The following ADGRB1 variants were observed in gnomAD, a reference collection of about 807,000 sequenced individuals.
The protein encoded by ADGRB1 is adhesion G protein-coupled receptor B1.
A neutral mutation model predicts 175.7 loss-of-function variants in ADGRB1; 36 were observed. That is an observed-to-expected ratio of 0.20 (90% CI 0.16 to 0.27). The LOEUF (loss-of-function observed/expected upper bound fraction) is 0.27. Ranked by LOEUF, ADGRB1 falls within the 10% of genes least tolerant of loss-of-function variation. The probability of loss-of-function intolerance (pLI) is 1.00; values close to 1 mark genes in which losing one functional copy is unlikely to be tolerated. For synonymous variants in ADGRB1, 1,054 were observed against 979.4 expected, an observed-to-expected ratio of 1.08 and a Z score of -1.42; for missense variants, 1,731 against 2,255.3, an observed-to-expected ratio of 0.77 and a Z score of 4.71.
intron 19 of ADGRB1, among the ~76,000 whole-genome samples, chr8:142,520,048 T>G (rs908273401): frequency 2.4e-3 from 331 of 137,640 alleles, no homozygotes; most frequent in African/African-American, 8.6e-3. Flanking sequence ...TGGTAGTGAT[T>G]GTGATGGTGG....
At chr8:142,482,222 C>T (rs888052217) in intron 11 of ADGRB1, among the ~76,000 whole-genome samples, 6 of 149,488 alleles carry the variant, frequency 4.0e-5, no homozygotes, top group Admixed American at 3.3e-4. Flanking sequence ...AGCCCTGATC[C>T]TGGTCACACA....
intron 8 of ADGRB1, 22 bp from the exon 9 acceptor site, chr8:142,479,671 C>G: frequency 6.2e-7 from 1 of 1,608,632 alleles, no homozygotes; most frequent in Non-Finnish European, 8.5e-7. Flanking sequence ...TTCCTGAACC[C>G]CTGTCCCGGG....
chr8:142,476,067 C>T (rs1840956483), intron 3 of ADGRB1, among the ~76,000 whole-genome samples: 1 of 152,316 alleles, frequency 6.6e-6, no homozygotes, highest in South Asian at 2.1e-4. Context: ...CAAGCCAGCC[C>T]GCCTGCCCCA....
At chr8:142,490,704 A>T (rs1258445270) in intron 16 of ADGRB1, 68 bp from the exon 17 acceptor site, 1 of 1,504,844 alleles carries the variant, frequency 6.6e-7, no homozygotes. Flanking sequence ...GGTGGGTCCC[A>T]TGGTGACCCG....
chr8:142,466,085 G>A (rs2131688233), intron 2 of ADGRB1, among the ~76,000 whole-genome samples: 2 of 152,354 alleles, frequency 1.3e-5, no homozygotes, highest in South Asian at 2.1e-4. Context: ...AGGAAGCCCA[G>A]GGTTTTGGTG....
intron 27 of ADGRB1, among the ~76,000 whole-genome samples, chr8:142,540,196 A>C (rs528509334): frequency 6.6e-6 from 1 of 152,364 alleles, no homozygotes; most frequent in East Asian, 1.9e-4. Context: ...GCCCTGGCAG[A>C]GGAGCTGGGA....
In ADGRB1 at chr8:142,510,282, C is replaced by T. The variant is rs963197057; in HGVS notation, c.2676-650C>T. Reference sequence around the variant, plus strand: ...TGGGTCAGACCGCAGAGGGAAGTTTCCAGCGGCAAGCCTCCCCGCGGGGAA... The same window carrying T: ...TGGGTCAGACCGCAGAGGGAAGTTTTCAGCGGCAAGCCTCCCCGCGGGGAA... On this transcript the variant is annotated intron_variant, in intron 17 of 30. Coordinates refer to ENST00000517894, the MANE Select transcript of ADGRB1 (RefSeq NM_001702.3). The surrounding 1 kb of genome is among the most constrained non-coding windows in gnomAD (Gnocchi z 6.3). Among the ~76,000 whole-genome samples, 5 of 152,008 alleles carry T rather than the reference C, an allele frequency of 3.3e-5. No individual in the cohort carries two copies. The highest frequency in any genetic ancestry group is 1.2e-4 in the African/African-American group (5 of 41,416).
chr8:142,479,375 TG>T lies in ADGRB1; in HGVS notation c.1618del (p.Ala540LeufsTer50). ...ASWGSCSVTCGAGSQRRERVC... is the reference protein window; with the variant it reads ...ASWGSCSVTCXAGSQRRERVC... ...CATGGGGCAGTTGCAGCGTCACGTG[TG>T]GGGCTGGCAGCCAGCGACGGGAGCG... On this transcript the variant is annotated frameshift_variant, in exon 8 of 31. Coordinates refer to ENST00000517894, the MANE Select transcript of ADGRB1 (RefSeq NM_001702.3). LOFTEE classifies it high-confidence loss of function. The T allele has an allele frequency of 6.5e-7, 1 of 1,535,514 alleles. No individual in the cohort carries two copies.
At chr8:142,459,740 G>A (rs1214607256) in intron 1 of ADGRB1, among the ~76,000 whole-genome samples, 1 of 152,194 alleles carries the variant, frequency 6.6e-6, no homozygotes, top group Non-Finnish European at 1.5e-5. Flanking sequence ...ACATGCATTT[G>A]TGCACACATT....
chr8:142,544,196 C>T lies in ADGRB1; in HGVS notation c.4558-24C>T, dbSNP rs752104578. On this transcript the variant is annotated intron_variant, in intron 30 of 30. Transcript: ENST00000517894. The stretch of plus-strand genomic sequence containing the variant: ...GGCTCTCCCTCCGGGCCCCACCCCT[C>T]CTGCACCACGGGCCACCCAGCAGCC... 8.2e-5 allele frequency: 127 copies of T among 1,547,492 alleles called. 1 individual carries two copies. Among genetic ancestry groups the T allele is most frequent in the African/African-American group, 4.1e-5 (3 of 72,950 alleles).
intron 1 of ADGRB1, among the ~76,000 whole-genome samples, chr8:142,456,350 T>A (rs1218320186): frequency 6.6e-6 from 1 of 152,002 alleles, no homozygotes; most frequent in East Asian, 1.9e-4. Context: ...CACACACGCA[T>A]GTGCACACAG....
chr8:142,518,268 GCA>G (rs776506459), intron 19 of ADGRB1, 27 bp downstream of exon 19: 12 of 1,607,954 alleles, frequency 7.5e-6, no homozygotes, highest in South Asian at 3.3e-5. Context: ...TGCTGGGCAT[GCA>G]TGTCTGTGGC....
rs76065202 is a variant in ADGRB1, at chr8:142,465,366, C to G, written c.784+384C>G. Among the ~76,000 whole-genome samples the G allele has an allele frequency of 7.2e-5, 11 of 152,290 alleles. 1 individual carries two copies. The South Asian group carries it at 2.3e-3, about 32-fold the overall frequency. On this transcript the variant is annotated intron_variant, in intron 2 of 30. Transcript: ENST00000517894. ...TGGGAGAGGGCCCGCCCTTTCTCTC[C>G]GGCAGGACAACTTTAATGGGCCAGA...
At chr8:142,477,326 G>GGCCGAGGCAGCGGACT (rs71313224) in intron 5 of ADGRB1, 48 bp downstream of exon 5, 119,014 of 1,586,372 alleles carry the variant, frequency 0.075, 4,939 homozygotes, top group South Asian at 0.12. Context: ...GGCAGCGGGG[G>GGCCGAGGCAGCGGACT]GCCAGGGCAG....
Position 142,510,947 on chromosome 8 carries a change from C to T in ADGRB1, c.2691C>T (p.Ala897=). The T allele has an allele frequency of 2.3e-6, 3 of 1,288,682 alleles. No individual in the cohort carries two copies. Among genetic ancestry groups the T allele is most frequent in the South Asian group, 1.5e-5 (1 of 66,686 alleles). The allele number at this position is 1,288,682 out of a possible 1,614,324, so 79.8% of individuals were successfully genotyped here. The stretch of plus-strand genomic sequence containing the variant: ...CCGCCCCCAGACCCTCCTCCTCCGC[C>T]CCCCCGCAGCTCGGGCCCTGGTCGT... ...WDETDVPSSS[A]PPQLGPWSWR... The change falls in exon 18 of 31, where the codon GCC becomes GCT. Residue 897 remains alanine, a synonymous_variant. Coordinates refer to ENST00000517894, the MANE Select transcript of ADGRB1 (RefSeq NM_001702.3). This position sits in a 1 kb window ranked among gnomAD's most constrained non-coding sequence, Gnocchi z 6.3.
In ADGRB1 at chr8:142,478,176, T is replaced by A. The variant is rs940457703; in HGVS notation, c.1388-11T>A. 3.1e-6 allele frequency: 5 copies of A among 1,595,780 alleles called. No homozygotes were observed. Among genetic ancestry groups the A allele is most frequent in the Middle Eastern group, 3.3e-4 (2 of 6,062 alleles). ...TGTTCACGCCCACTTTGTGTCTCCT[T>A]CCTCCCCCGGGCCGGGCAGTGGATG... On this transcript the variant is annotated splice_polypyrimidine_tract_variant and intron_variant, in intron 6 of 30. Coordinates refer to ENST00000517894, the MANE Select transcript of ADGRB1 (RefSeq NM_001702.3).
At position 142,511,614 on chromosome 8, in the gene ADGRB1, C is replaced by T. The variant is rs761891067; in HGVS notation, c.2817+541C>T. Among the ~76,000 whole-genome samples, 2 of 152,196 alleles carry T rather than the reference C, an allele frequency of 1.3e-5. No individual in the cohort carries two copies. Among genetic ancestry groups the T allele is most frequent in the Non-Finnish European group, 1.5e-5 (1 of 68,022 alleles). The stretch of plus-strand genomic sequence containing the variant: ...CACCGCCCCCCAGGCCTCAGCACCT[C>T]GGGGCTTCCTTTTTGTTCCTGTGAT... On this transcript the variant is annotated intron_variant, in intron 18 of 30. Transcript: ENST00000517894. The surrounding 1 kb of genome is among the most constrained non-coding windows in gnomAD (Gnocchi z 4.5).
At chr8:142,486,175 C>G (rs181328561) in intron 13 of ADGRB1, among the ~76,000 whole-genome samples, 68 of 152,346 alleles carry the variant, frequency 4.5e-4, no homozygotes, top group Non-Finnish European at 9.4e-4. Flanking sequence ...ACTCCCAGGA[C>G]CCTGCTTCTC....
At chr8:142,516,572 GGGCCCCAGGGGCATGCGTGTGTGTGCA>G (rs1247374647) in intron 18 of ADGRB1, among the ~76,000 whole-genome samples, 1 of 150,076 alleles carries the variant, frequency 6.7e-6, no homozygotes, top group Non-Finnish European at 1.5e-5. Context: ...GTGTGTGTGT[GGGCCCCAGGGGCATGCGTGTGTGTGCA>G]GGCCACAGGT....
Sources: gnomAD v4.1 joint callset for allele counts (sites outside exome capture counted in the v4.1 genomes callset) on GRCh38, gnomAD v4.1.1 for gene constraint, Gnocchi (gnomAD v3.1) non-coding constraint, MANE v1.5 for transcripts, NCBI Gene and HGNC (gene_info 2026-07-23, HGNC 2026-07-21) for gene names.